Variants in GRIN3A observed in about 807,000 individuals in gnomAD.
GRIN3A encodes glutamate ionotropic receptor NMDA type subunit 3A, also known as glutamate receptor ionotropic, NMDA 3A.
A neutral mutation model predicts 92.4 loss-of-function variants in GRIN3A; 47 were observed. That is an observed-to-expected ratio of 0.51 (90% confidence interval 0.40 to 0.65). GRIN3A has a LOEUF of 0.65. GRIN3A is among the 30% of genes least tolerant of loss of function. The pLI, the probability that GRIN3A is intolerant of heterozygous loss-of-function variation, is 0.00. For missense variants in GRIN3A, 1,324 were observed against 1,393.1 expected (o/e 0.95, Z 0.79); for synonymous variants, 527 against 540.6 (o/e 0.97, Z 0.35).
intron 1 of GRIN3A, among the ~76,000 whole-genome samples, chr9:101,716,964 C>T (rs1304017657): frequency 6.6e-6 from 1 of 152,074 alleles, no homozygotes; most frequent in Non-Finnish European, 1.5e-5. Context: ...TGTAGAAAGG[C>T]CAGGCACTCT....
intron 1 of GRIN3A, among the ~76,000 whole-genome samples, chr9:101,691,587 A>G (rs1227820680): frequency 1.3e-5 from 2 of 152,202 alleles, no homozygotes; most frequent in Non-Finnish European, 2.9e-5. Flanking sequence ...ATGTAGTCTC[A>G]TTTTGACCAT....
chr9:101,615,918 G>A (rs1828445592), intron 5 of GRIN3A, among the ~76,000 whole-genome samples: 1 of 152,144 alleles, frequency 6.6e-6, no homozygotes, highest in Non-Finnish European at 1.5e-5. Flanking sequence ...CCAGATAGTA[G>A]CAAGTCCTCC....
chr9:101,737,975 C>T lies in GRIN3A; in HGVS notation c.5G>A (p.Arg2Lys). 1 of 1,534,950 alleles carries T rather than the reference C, an allele frequency of 6.5e-7. No individual in the cohort carries two copies. The highest frequency in any genetic ancestry group is 8.7e-7 in the Non-Finnish European group (1 of 1,146,978). Residue 2 changes from arginine to lysine, a missense_variant, in exon 1 of 9, where the codon AGG becomes AAG. Transcript: ENST00000361820. M[R>K]RLSLWWLLSR... ...CAGCAGCCACCACAAACTCAGTCTC[C>T]TCATTACTGAGACCCGCAGGGAGAA...
chr9:101,633,123 A>G (rs1340264550), intron 3 of GRIN3A, among the ~76,000 whole-genome samples: 1 of 152,184 alleles, frequency 6.6e-6, no homozygotes, highest in Non-Finnish European at 1.5e-5. Context: ...AATGAGGCGA[A>G]CTCGGGAAAT....
chr9:101,714,452 C>T (rs1829919953), intron 1 of GRIN3A, among the ~76,000 whole-genome samples: 1 of 152,120 alleles, frequency 6.6e-6, no homozygotes, highest in Non-Finnish European at 1.5e-5. Flanking sequence ...ACAAAACGAT[C>T]AACAACTATA....
At chr9:101,579,946 T>A (rs1827868453) in intron 6 of GRIN3A, among the ~76,000 whole-genome samples, 1 of 152,126 alleles carries the variant, frequency 6.6e-6, no homozygotes, top group Non-Finnish European at 1.5e-5. Context: ...GGCCAACTTG[T>A]GGGGGATGCA....
intron 1 of GRIN3A, among the ~76,000 whole-genome samples, chr9:101,723,978 T>G (rs1830048634): frequency 1.3e-5 from 2 of 152,120 alleles, no homozygotes; most frequent in South Asian, 2.1e-4. Context: ...TGCTTATTGG[T>G]GTATTTACAA....
intron 3 of GRIN3A, among the ~76,000 whole-genome samples, chr9:101,643,596 A>G (rs1828895044): frequency 6.6e-6 from 1 of 151,866 alleles, no homozygotes; most frequent in Non-Finnish European, 1.5e-5. Context: ...AAATATCTCT[A>G]CTTTCATGTT....
chr9:101,709,140 A>G (rs1015813355), intron 1 of GRIN3A, among the ~76,000 whole-genome samples: 4 of 151,998 alleles, frequency 2.6e-5, no homozygotes, highest in African/African-American at 9.7e-5. Context: ...TTCTAGGAAG[A>G]TGAGATGCTT....
chr9:101,635,878 A>G (rs1828777626), intron 3 of GRIN3A, among the ~76,000 whole-genome samples: 1 of 151,980 alleles, frequency 6.6e-6, no homozygotes, highest in Non-Finnish European at 1.5e-5. Context: ...CCACCTACTC[A>G]CTTTATTTAT....
In GRIN3A at chr9:101,725,543, T is replaced by C. The variant is rs147859217; in HGVS notation, c.699+11738A>G. On this transcript the variant is annotated intron_variant, in intron 1 of 8. Coordinates refer to ENST00000361820, the MANE Select transcript of GRIN3A (RefSeq NM_133445.3). ...AAGTATTTTTAGCTTAAGGTGAGAA[T>C]TGGAGATATAACCACAATTTCAAGT... Among the ~76,000 whole-genome samples the C allele has an allele frequency of 3.2e-4, 49 of 152,316 alleles. No individual in the cohort carries two copies. The East Asian group carries it at 9.1e-3, about 28-fold the overall frequency.
intron 3 of GRIN3A, among the ~76,000 whole-genome samples, chr9:101,634,255 C>A (rs572354774): frequency 6.8e-6 from 1 of 147,410 alleles, no homozygotes; most frequent in African/African-American, 2.5e-5. Context: ...ATGGCGTGAA[C>A]CCGGGAGGCG....
intron 6 of GRIN3A, among the ~76,000 whole-genome samples, chr9:101,610,591 AT>A (rs1828350088): frequency 1.5e-5 from 2 of 137,472 alleles, no homozygotes; most frequent in African/African-American, 5.1e-5. Flanking sequence ...CTATCTATCT[AT>A]CTATCTATCT....
At chr9:101,678,934 G>C (rs1315904315) in intron 2 of GRIN3A, among the ~76,000 whole-genome samples, 1 of 151,930 alleles carries the variant, frequency 6.6e-6, no homozygotes, top group Admixed American at 6.6e-5. Context: ...TTTGCTTTTT[G>C]GTATGAACCT....
intron 1 of GRIN3A, among the ~76,000 whole-genome samples, chr9:101,721,559 A>C (rs1256409420): frequency 6.6e-6 from 1 of 152,144 alleles, no homozygotes; most frequent in Admixed American, 6.5e-5. Context: ...AAATGTGGGA[A>C]AGTTTGGAAC....
At chr9:101,677,941 C>A (rs1416812730) in intron 2 of GRIN3A, among the ~76,000 whole-genome samples, 1 of 152,110 alleles carries the variant, frequency 6.6e-6, no homozygotes, top group Non-Finnish European at 1.5e-5. Context: ...GACTATAAGG[C>A]CCTCAAAGGC....
chr9:101,691,852 T>G (rs1324454631), intron 1 of GRIN3A, among the ~76,000 whole-genome samples: 1 of 152,230 alleles, frequency 6.6e-6, no homozygotes, highest in African/African-American at 2.4e-5. Flanking sequence ...TCTGTCTCCA[T>G]GATTTATGCA....
chr9:101,597,914 A>T (rs951087585), intron 6 of GRIN3A, among the ~76,000 whole-genome samples: 1 of 152,172 alleles, frequency 6.6e-6, no homozygotes, highest in East Asian at 1.9e-4. Context: ...AGACAGTCTG[A>T]CATATACTAT....
chr9:101,644,370 T>A (rs2118905759), intron 3 of GRIN3A, among the ~76,000 whole-genome samples: 1 of 151,300 alleles, frequency 6.6e-6, no homozygotes, highest in African/African-American at 2.4e-5. Flanking sequence ...GAATTGATGA[T>A]GTTAGGACTT....
Sources: allele counts gnomAD v4.1 joint callset (sites outside exome capture counted in the v4.1 genomes callset), GRCh38; gene constraint gnomAD v4.1.1; transcripts MANE v1.5; gene names NCBI Gene and HGNC (gene_info 2026-07-23, HGNC 2026-07-21).